The following RNF170 variants were observed in gnomAD, a reference collection of about 807,000 sequenced individuals.
The protein encoded by RNF170 is E3 ubiquitin-protein ligase RNF170.
A neutral mutation model predicts 32.7 loss-of-function variants in RNF170; 12 were observed. The observed-to-expected ratio is 0.37, with a 90% CI of 0.24 to 0.60. The LOEUF (loss-of-function observed/expected upper bound fraction) is 0.60. Ranked by LOEUF, RNF170 falls within the 20% of genes least tolerant of loss-of-function variation. The pLI, the probability that RNF170 is intolerant of heterozygous loss-of-function variation, is 0.72. For synonymous variants in RNF170, 91 were observed against 103.6 expected (o/e 0.88, Z 0.74); for missense variants, 212 against 311.2 (o/e 0.68, Z 2.40).
chr8:42,852,538 C>T (rs1245754091), downstream of RNF170, among the ~76,000 whole-genome samples: 2 of 152,022 alleles, frequency 1.3e-5, no homozygotes, highest in Non-Finnish European at 2.9e-5. Context: ...CTGTCTCAGC[C>T]TCCCAAGTAG....
chr8:42,883,824 TTAAA>T (rs1286511737), intron 2 of RNF170, among the ~76,000 whole-genome samples: 4 of 152,150 alleles, frequency 2.6e-5, no homozygotes, highest in Admixed American at 2.0e-4. Context: ...CTAAAAATCA[TTAAA>T]TAAATTACAA....
At position 42,873,948 on chromosome 8, in the gene RNF170, GT is replaced by G. The variant is rs746351368; in HGVS notation, c.195del (p.Glu65AspfsTer69). 6.3e-7 allele frequency: 1 copy of G among 1,592,652 alleles called. No individual in the cohort carries two copies. The highest frequency in any genetic ancestry group is 8.6e-7 in the Non-Finnish European group (1 of 1,160,634). On this transcript the variant is annotated frameshift_variant, in exon 3 of 7. Transcript: ENST00000527424. LOFTEE classifies it high-confidence loss of function. Reference protein sequence around the residue: ...ENQELVRVLREQLQTEQDAPA... With the variant: ...ENQELVRVLRXQLQTEQDAPA... The stretch of plus-strand genomic sequence containing the variant: ...TACAATACCTGTTCTGTTTGAAGCT[GT>G]TCTCGAAGTACCCTTACTAGCTCCT...
chr8:42,860,294 A>C (rs1318746782), intron 6 of RNF170, among the ~76,000 whole-genome samples: 1 of 152,336 alleles, frequency 6.6e-6, no homozygotes. Flanking sequence ...GATTTTGATA[A>C]AACAAGAATG....
In RNF170 at chr8:42,874,021, ATAATAAATTT is replaced by A. The variant is rs762471303; in HGVS notation, c.138-25_138-16del. 5 of 1,484,106 alleles carry A rather than the reference ATAATAAATTT, an allele frequency of 3.4e-6. No individual in the cohort carries two copies. Among genetic ancestry groups the A allele is most frequent in the Non-Finnish European group, 4.7e-6 (5 of 1,062,902 alleles). 91.9% of individuals were successfully genotyped at this position (1,484,106 alleles called of 1,614,324 possible). Reference sequence around the variant, plus strand: ...GATGTACATTTCTGTTGAATAGAATATAATAAATTTTGAATAGAAAATATTATCATATGAA... The same window carrying A: ...GATGTACATTTCTGTTGAATAGAATATGAATAGAAAATATTATCATATGAA... On this transcript the variant is annotated splice_polypyrimidine_tract_variant and intron_variant, in intron 2 of 6. Coordinates refer to ENST00000527424, the MANE Select transcript of RNF170 (RefSeq NM_030954.4).
At chr8:42,865,389 T>A in intron 5 of RNF170, 27 bp downstream of exon 5, 1 of 1,545,560 alleles carries the variant, frequency 6.5e-7, no homozygotes, top group Non-Finnish European at 8.9e-7. Context: ...CTAGCATAAA[T>A]GATACTTTCT....
At chr8:42,892,445 G>A (rs78446576) in intron 1 of RNF170, among the ~76,000 whole-genome samples, 2,323 of 152,230 alleles carry the variant, frequency 0.015, 32 homozygotes, top group Non-Finnish European at 0.022. Flanking sequence ...GATTATAGGC[G>A]TGAGGTAGCA....
At chr8:42,866,242 T>C (rs1391194307) in intron 4 of RNF170, among the ~76,000 whole-genome samples, 1 of 151,814 alleles carries the variant, frequency 6.6e-6, no homozygotes, top group East Asian at 2.0e-4. Flanking sequence ...CTAATAGTAA[T>C]AAGGTATTAG....
intron 1 of RNF170, among the ~76,000 whole-genome samples, chr8:42,891,021 A>G (rs958778448): frequency 7.9e-5 from 12 of 152,190 alleles, no homozygotes; most frequent in Non-Finnish European, 1.2e-4. Flanking sequence ...ATGAATTCCA[A>G]AATCAAGGAC....
At position 42,856,205 on chromosome 8, in the gene RNF170, A is replaced by G; in HGVS notation, c.731T>C (p.Ile244Thr). Residue 244 changes from isoleucine (I) to threonine (T), a missense_variant, in exon 7 of 7, where the codon ATC becomes ACC. This residue lies in a region of RNF170 where 97 missense variants were observed against 178.9 expected (regional missense o/e 0.54). Coordinates refer to ENST00000527424, the MANE Select transcript of RNF170 (RefSeq NM_030954.4). ...FFVIFLLLIY[I>T]SIMYREVITQ... is the part of the protein sequence containing the mutation. ...TATCACTTCTCGATACATAATAGAGATGTAGATAAGCAATAAAAAGATGAC... is the reference window on the plus strand; with the variant it reads ...TATCACTTCTCGATACATAATAGAGGTGTAGATAAGCAATAAAAAGATGAC... 1 of 1,612,418 alleles carries G rather than the reference A, an allele frequency of 6.2e-7. No individual in the cohort carries two copies. Among genetic ancestry groups the G allele is most frequent in the Non-Finnish European group, 8.5e-7 (1 of 1,178,924 alleles).
chr8:42,854,004 AC>A lies in RNF170; in HGVS notation c.*2154del. The stretch of plus-strand genomic sequence containing the variant: ...AAAAATGACATCACCATTCCCCCAC[AC>A]CAAATGTGTAATTGGTAGGAAATGC... On this transcript the variant is annotated 3_prime_UTR_variant, in exon 7 of 7. Coordinates refer to ENST00000527424, the MANE Select transcript of RNF170 (RefSeq NM_030954.4). 3.9e-6 allele frequency: 5 copies of A among 1,287,154 alleles called. No individual in the cohort carries two copies. The highest frequency in any genetic ancestry group is 5.1e-6 in the Non-Finnish European group (5 of 988,666). The allele number at this position is 1,287,154 out of a possible 1,614,324, so 79.7% of individuals were successfully genotyped here.
At chr8:42,884,110 C>A (rs1284971242) in intron 2 of RNF170, among the ~76,000 whole-genome samples, 3 of 151,532 alleles carry the variant, frequency 2.0e-5, no homozygotes, top group Non-Finnish European at 4.4e-5. Flanking sequence ...GATGGAGTTT[C>A]GCTCTTGTCA....
At position 42,854,963 on chromosome 8, in the gene RNF170, T is replaced by A. The variant is rs2128921915; in HGVS notation, c.*1196A>T. On this transcript the variant is annotated 3_prime_UTR_variant, in exon 7 of 7. Transcript: ENST00000527424. ...CAGAAAACTAACAAAATTTGTCCAA[T>A]CTGTTGCTATAGCTAACCAGTAATT... 1.6e-6 allele frequency: 2 copies of A among 1,287,216 alleles called. No homozygotes were observed. 79.7% of individuals were successfully genotyped at this position (1,287,216 alleles called of 1,614,324 possible). A position where few individuals can be genotyped will look rare whatever the true frequency, so the allele number is the denominator to read the frequency against.
rs747426219 is a variant in RNF170 at position 42,855,229 on chromosome 8, CTTTTTTTT to C, written c.*922_*929del. 1.7e-6 allele frequency: 2 copies of C among 1,174,190 alleles called. No homozygotes were observed. The highest frequency in any genetic ancestry group is 2.2e-6 in the Non-Finnish European group (2 of 906,918). 72.7% of individuals were successfully genotyped at this position (1,174,190 alleles called of 1,614,324 possible). A position where few individuals can be genotyped will look rare whatever the true frequency, so the allele number is the denominator to read the frequency against. On this transcript the variant is annotated 3_prime_UTR_variant, in exon 7 of 7. Transcript: ENST00000527424. ...CTGACTGGAGATAAATGTTTTTCAT[CTTTTTTTT>C]TTTTTTTTTTGAGAGGGAGTCTCAC...
chr8:42,858,441 T>C (rs1209832786), intron 6 of RNF170, among the ~76,000 whole-genome samples: 1 of 152,214 alleles, frequency 6.6e-6, no homozygotes. Context: ...CAGTAATTCA[T>C]TTATTCAACA....
chr8:42,880,721 G>C (rs1361566571), intron 2 of RNF170, among the ~76,000 whole-genome samples: 1 of 152,024 alleles, frequency 6.6e-6, no homozygotes, highest in Admixed American at 6.6e-5. Context: ...AGTGAGCTGA[G>C]ATCACGCCAC....
downstream of RNF170, chr8:42,849,784 T>C (rs1347842124): frequency 1.3e-5 from 2 of 152,240 alleles, no homozygotes; most frequent in Non-Finnish European, 2.9e-5. Context: ...TTCCCTGATA[T>C]TGTTTTCTCA....
chr8:42,873,109 G>A (rs1046361436), intron 3 of RNF170, among the ~76,000 whole-genome samples: 1 of 151,670 alleles, frequency 6.6e-6, no homozygotes, highest in Non-Finnish European at 1.5e-5. Flanking sequence ...TGCCCAAACT[G>A]GTCTCGAACT....
chr8:42,861,065 T>C (rs1162563001), intron 6 of RNF170, among the ~76,000 whole-genome samples: 2 of 152,198 alleles, frequency 1.3e-5, no homozygotes, highest in African/African-American at 4.8e-5. Context: ...CTAGGGCAAA[T>C]AGAATAAACC....
At chr8:42,894,183 A>C (rs1329580141) in intron 1 of RNF170, among the ~76,000 whole-genome samples, 1 of 152,212 alleles carries the variant, frequency 6.6e-6, no homozygotes, top group Non-Finnish European at 1.5e-5. Flanking sequence ...TTACAAAATG[A>C]AACCTCCAGA....
Sources: gnomAD v4.1 joint callset for allele counts (sites outside exome capture counted in the v4.1 genomes callset) on GRCh38, gnomAD v4.1.1 for gene constraint, gnomAD v4.1.1 regional missense constraint, MANE v1.5 for transcripts, NCBI Gene and HGNC (gene_info 2026-07-23, HGNC 2026-07-21) for gene names.